The following SLC37A2 variants were observed in gnomAD, a reference collection of about 807,000 sequenced individuals.
SLC37A2 encodes the protein solute carrier family 37 member 2, also known as glucose-6-phosphate exchanger SLC37A2.
Under a neutral mutation model 70.7 loss-of-function variants are expected in SLC37A2, and 59 were observed. The ratio of observed to expected loss-of-function variants is 0.83; its 90% CI spans 0.68 to 1.04. The LOEUF (loss-of-function observed/expected upper bound fraction) is 1.04. Among genes scored for constraint, SLC37A2 ranks in the 50% least tolerant of loss-of-function variants. SLC37A2 has a pLI of 0.00. For missense variants in SLC37A2, 580 were observed against 658.1 expected (o/e 0.88, Z 1.30); for synonymous variants, 257 against 262.1 (o/e 0.98, Z 0.19).
chr11:125,069,607 G>A (rs2090372617), intron 1 of SLC37A2, among the ~76,000 whole-genome samples: 1 of 152,232 alleles, frequency 6.6e-6, no homozygotes, highest in South Asian at 2.1e-4. Flanking sequence ...CTTGGATCTG[G>A]AGGTGTTCTG....
At chr11:125,086,312 C>T in intron 17 of SLC37A2, 2 of 1,315,330 alleles carry the variant, frequency 1.5e-6, no homozygotes, top group Non-Finnish European at 2.2e-6. Context: ...GTGGGGGCTG[C>T]ATGCAAATCC....
intron 1 of SLC37A2, among the ~76,000 whole-genome samples, chr11:125,075,429 G>A (rs978753230): frequency 2.6e-5 from 4 of 152,244 alleles, no homozygotes; most frequent in African/African-American, 9.6e-5. Context: ...AGTCCCTAGA[G>A]GACCTCTGTG....
Position 125,080,697 on chromosome 11 carries a change from A to G in SLC37A2, c.611A>G (p.Asn204Ser), listed in dbSNP as rs1949136696. ...LGSLIAGIWV[N>S]GQWGLSFIVP... ...TCCCTGATCGCCGGCATCTGGGTGA[A>G]CGGGCAGTGGGGCCTGTCGTTCATC... The change falls in exon 7 of 18, where the codon AAC becomes AGC. Residue 204 changes from asparagine to serine, a missense_variant. Coordinates refer to ENST00000403796, the MANE Select transcript of SLC37A2 (RefSeq NM_001145290.2). This position sits in a 1 kb window ranked among gnomAD's most constrained non-coding sequence, Gnocchi z 4.3. 6.3e-7 allele frequency: 1 copy of G among 1,582,692 alleles called. No homozygotes were observed. Among genetic ancestry groups the G allele is most frequent in the Non-Finnish European group, 8.6e-7 (1 of 1,163,580 alleles).
At chr11:125,082,153 G>A in intron 9 of SLC37A2, 91 bp from the exon 10 acceptor site, 6 of 1,272,266 alleles carry the variant, frequency 4.7e-6, no homozygotes, top group Non-Finnish European at 6.9e-6. Flanking sequence ...GTGATGGAAA[G>A]TACTGGGGTG....
intron 1 of SLC37A2, among the ~76,000 whole-genome samples, chr11:125,067,119 A>G (rs1162936506): frequency 6.6e-6 from 1 of 152,150 alleles, no homozygotes; most frequent in Non-Finnish European, 1.5e-5. Flanking sequence ...AGCTGATACT[A>G]CAGGCATGCA....
Position 125,063,506 on chromosome 11 carries a change from CA to C in SLC37A2, c.59+81del. ...AGGGGCCGCGGGGGGCCTCGGAGAT[CA>C]CCCCAGATCGGCCCCGGCGTCGCCG... On this transcript the variant is annotated intron_variant, in intron 1 of 17. Transcript: ENST00000403796. The surrounding 1 kb of genome is among the most constrained non-coding windows in gnomAD (Gnocchi z 5.4). 7.5e-7 allele frequency: 1 copy of C among 1,335,562 alleles called. No homozygotes were observed. Among genetic ancestry groups the C allele is most frequent in the Non-Finnish European group, 1.0e-6 (1 of 967,496 alleles). 82.7% of individuals were successfully genotyped at this position (1,335,562 alleles called of 1,614,324 possible). A position where few individuals can be genotyped will look rare whatever the true frequency, so the allele number is the denominator to read the frequency against.
At chr11:125,068,511 ACAGT>A (rs1243312072) in intron 1 of SLC37A2, among the ~76,000 whole-genome samples, 1 of 152,194 alleles carries the variant, frequency 6.6e-6, no homozygotes, top group Non-Finnish European at 1.5e-5. Flanking sequence ...CTGTGTACAC[ACAGT>A]CAGCAATTTT....
intron 8 of SLC37A2, 108 bp from the exon 9 acceptor site, chr11:125,081,646 T>G (rs991339280): frequency 1.0e-5 from 15 of 1,445,864 alleles, no homozygotes; most frequent in Non-Finnish European, 1.4e-5. Flanking sequence ...GAGACGAACG[T>G]GTGCCTCCCC....
chr11:125,086,758 G>A, intron 17 of SLC37A2: 1 of 189,926 alleles, frequency 5.3e-6, no homozygotes, highest in Non-Finnish European at 1.1e-5. Flanking sequence ...AGGCTACACA[G>A]TGCTGGTGGT....
chr11:125,064,048 G>A (rs1948957194), intron 1 of SLC37A2, among the ~76,000 whole-genome samples: 1 of 152,212 alleles, frequency 6.6e-6, no homozygotes, highest in Admixed American at 6.5e-5. Flanking sequence ...TGCAAGGTGG[G>A]GTGGAGGGGT....
intron 1 of SLC37A2, among the ~76,000 whole-genome samples, chr11:125,066,397 A>G (rs1435780041): frequency 6.6e-6 from 1 of 152,248 alleles, no homozygotes; most frequent in Non-Finnish European, 1.5e-5. Flanking sequence ...TGGGCAACAC[A>G]GTAAGATCCC....
intron 17 of SLC37A2, chr11:125,087,103 G>A (rs1329566400): frequency 6.5e-6 from 1 of 152,906 alleles, no homozygotes; most frequent in African/African-American, 2.4e-5. Context: ...CTTGGAGCCA[G>A]GCCTGAGGGT....
intron 1 of SLC37A2, among the ~76,000 whole-genome samples, chr11:125,071,438 AC>A (rs1949028199): frequency 6.6e-6 from 1 of 152,236 alleles, no homozygotes; most frequent in East Asian, 1.9e-4. Flanking sequence ...ATTCTGCCTG[AC>A]CATTCAGGGT....
intron 11 of SLC37A2, 57 bp from the exon 12 acceptor site, chr11:125,084,177 C>A (rs1164401047): frequency 1.3e-6 from 2 of 1,591,250 alleles, no homozygotes; most frequent in South Asian, 2.2e-5. Context: ...GGGTGCCAGG[C>A]GAGGGGATGG....
At chr11:125,076,684 G>T (rs772045331) in intron 1 of SLC37A2, 73 bp from the exon 2 acceptor site, 2 of 1,419,104 alleles carry the variant, frequency 1.4e-6, no homozygotes, top group East Asian at 2.3e-5. Context: ...GGGGACACGG[G>T]TCAGGGATGC....
intron 1 of SLC37A2, among the ~76,000 whole-genome samples, chr11:125,072,861 G>A (rs1027307854): frequency 6.6e-6 from 1 of 152,188 alleles, no homozygotes; most frequent in Non-Finnish European, 1.5e-5. Flanking sequence ...CTCTGACTAT[G>A]CCATGCCCAG....
intron 4 of SLC37A2, among the ~76,000 whole-genome samples, chr11:125,078,006 G>A (rs1271081454): frequency 6.6e-6 from 1 of 152,324 alleles, no homozygotes; most frequent in East Asian, 1.9e-4. Flanking sequence ...CTCCATGACA[G>A]AGGTGGCCAT....
chr11:125,076,882 C>G, intron 2 of SLC37A2, 44 bp downstream of exon 2: 1 of 1,593,074 alleles, frequency 6.3e-7, no homozygotes, highest in Non-Finnish European at 8.6e-7. Flanking sequence ...AGCACACTGT[C>G]GTAACCGTCC....
chr11:125,077,206 C>A, intron 2 of SLC37A2, 24 bp from the exon 3 acceptor site: 2 of 1,545,838 alleles, frequency 1.3e-6, no homozygotes, highest in Non-Finnish European at 1.7e-6. Context: ...AACCCCTGAC[C>A]TGTATGTCCC....
Sources: allele counts gnomAD v4.1 joint callset (sites outside exome capture counted in the v4.1 genomes callset), GRCh38; gene constraint gnomAD v4.1.1; non-coding constraint Gnocchi (gnomAD v3.1); transcripts MANE v1.5; gene names NCBI Gene and HGNC (gene_info 2026-07-23, HGNC 2026-07-21).